The following FMNL2 variants were observed in gnomAD, a reference collection of about 807,000 sequenced individuals.
FMNL2 encodes the protein formin-like protein 2.
In FMNL2, 51 loss-of-function variants were observed where a neutral mutation model predicts 130.2. The ratio of observed to expected loss-of-function variants is 0.39; its 90% CI spans 0.31 to 0.49. The LOEUF is 0.49. Among genes scored for constraint, FMNL2 ranks in the 20% least tolerant of loss-of-function variants. The pLI is 0.85. For missense variants in FMNL2, 977 were observed against 1,316.2 expected, an observed-to-expected ratio of 0.74 and a Z score of 3.99; for synonymous variants, 465 against 467.1, an observed-to-expected ratio of 1.00 and a Z score of 0.06.
At chr2:152,495,404 C>T (rs748111847) in intron 1 of FMNL2, among the ~76,000 whole-genome samples, 1 of 151,924 alleles carries the variant, frequency 6.6e-6, no homozygotes, top group Non-Finnish European at 1.5e-5. Context: ...AATCCCAGCA[C>T]TTTGGGAGGT....
intron 1 of FMNL2, among the ~76,000 whole-genome samples, chr2:152,379,289 T>C (rs2105890825): frequency 6.6e-6 from 1 of 152,330 alleles, no homozygotes; most frequent in Non-Finnish European, 1.5e-5. Context: ...TCTGTGTTGG[T>C]TTATTGGCCA....
chr2:152,488,358 A>C (rs2105269527), intron 1 of FMNL2, among the ~76,000 whole-genome samples: 1 of 152,352 alleles, frequency 6.6e-6, no homozygotes, highest in East Asian at 1.9e-4. Flanking sequence ...GTCCGCAAAT[A>C]AGCTTTTTAG....
chr2:152,347,855 T>C (rs780155396), intron 1 of FMNL2, among the ~76,000 whole-genome samples: 11 of 152,204 alleles, frequency 7.2e-5, no homozygotes, highest in Non-Finnish European at 1.5e-4. Context: ...CTCACAGCCT[T>C]CTTCCTGAAG....
chr2:152,377,155 A>G (rs778323991), intron 1 of FMNL2, among the ~76,000 whole-genome samples: 1 of 152,260 alleles, frequency 6.6e-6, no homozygotes, highest in Non-Finnish European at 1.5e-5. Flanking sequence ...ACAGTGGCTG[A>G]CATACTGTAG....
chr2:152,585,066 G>C (rs1383542473), intron 9 of FMNL2, among the ~76,000 whole-genome samples: 2 of 152,180 alleles, frequency 1.3e-5, no homozygotes, highest in Admixed American at 6.5e-5. Flanking sequence ...AGCTTATACT[G>C]TGCGTGGTTT....
intron 1 of FMNL2, among the ~76,000 whole-genome samples, chr2:152,472,132 A>G (rs1689893715): frequency 6.6e-6 from 1 of 152,214 alleles, no homozygotes. Context: ...TTCGATTAAT[A>G]TAGTCTTTCT....
intron 1 of FMNL2, among the ~76,000 whole-genome samples, chr2:152,501,428 A>C (rs1387633813): frequency 1.3e-5 from 2 of 152,252 alleles, no homozygotes; most frequent in Non-Finnish European, 2.9e-5. Flanking sequence ...ATAATTCTTT[A>C]TGAGCTGATA....
intron 6 of FMNL2, among the ~76,000 whole-genome samples, chr2:152,565,084 A>G (rs529475611): frequency 1.3e-5 from 2 of 152,324 alleles, no homozygotes; most frequent in Middle Eastern, 3.4e-3. Flanking sequence ...AAATTTAACA[A>G]TGCCATATAG....
intron 9 of FMNL2, among the ~76,000 whole-genome samples, chr2:152,590,980 CTTTTTTTTTTTTTTTTTTTTTTT>C (rs1158391663): frequency 6.4e-4 from 42 of 65,788 alleles, no homozygotes; most frequent in East Asian, 2.5e-3. Context: ...CCTCTGATAA[CTTTTTTTTTTTTTTTTTTTTTTT>C]TTTTTTTTTT....
intron 1 of FMNL2, among the ~76,000 whole-genome samples, chr2:152,359,213 A>G (rs944431132): frequency 1.3e-5 from 2 of 152,366 alleles, no homozygotes; most frequent in East Asian, 1.9e-4. Flanking sequence ...AGCTTAATAT[A>G]ATAGCAGCTA....
chr2:152,556,905 C>A, intron 4 of FMNL2, among the ~76,000 whole-genome samples: 1 of 145,854 alleles, frequency 6.9e-6, no homozygotes, highest in African/African-American at 2.5e-5. Context: ...GATTATTTTT[C>A]ATATTAAAAA....
intron 5 of FMNL2, 102 bp from the exon 6 acceptor site, chr2:152,560,781 C>T: frequency 9.5e-7 from 1 of 1,057,748 alleles, no homozygotes; most frequent in Non-Finnish European, 1.3e-6. Context: ...ACTTTCCATA[C>T]TAAGGTGCAG....
At chr2:152,494,792 T>TTA (rs1691409007) in intron 1 of FMNL2, among the ~76,000 whole-genome samples, 1 of 152,176 alleles carries the variant, frequency 6.6e-6, no homozygotes, top group Admixed American at 6.5e-5. Context: ...AAGCCCTGGG[T>TTA]TATCAGCCTG....
At chr2:152,601,666 T>TC (rs1698071609) in intron 9 of FMNL2, among the ~76,000 whole-genome samples, 1 of 77,102 alleles carries the variant, frequency 1.3e-5, no homozygotes, top group South Asian at 3.7e-4. Context: ...TCTTTTCTTT[T>TC]CTTTCTTTTT....
intron 9 of FMNL2, among the ~76,000 whole-genome samples, chr2:152,605,415 C>T (rs66706786): frequency 0.063 from 9,527 of 152,076 alleles, 536 homozygotes; most frequent in African/African-American, 0.15. Flanking sequence ...ACCTCATGGA[C>T]TCAAAGTATC....
At chr2:152,611,307 C>T (rs1461589523) in intron 10 of FMNL2, among the ~76,000 whole-genome samples, 188 bp from the exon 11 acceptor site, 3 of 152,144 alleles carry the variant, frequency 2.0e-5, no homozygotes, top group Non-Finnish European at 2.9e-5. Context: ...CCACTGCACT[C>T]CAGTCTGGGC....
chr2:152,489,075 T>C (rs1157293168), intron 1 of FMNL2, among the ~76,000 whole-genome samples: 12 of 152,042 alleles, frequency 7.9e-5, no homozygotes, highest in Non-Finnish European at 1.5e-4. Context: ...TCCAGCAGGG[T>C]AGAGTGCAAA....
intron 9 of FMNL2, among the ~76,000 whole-genome samples, chr2:152,607,010 T>TC (rs1268114619): frequency 7.7e-6 from 1 of 130,152 alleles, no homozygotes; most frequent in Admixed American, 8.3e-5. Context: ...TTTTTTGTTT[T>TC]TTTTTTTTTT....
intron 1 of FMNL2, among the ~76,000 whole-genome samples, chr2:152,350,834 C>T (rs1682436694): frequency 6.6e-6 from 1 of 152,192 alleles, no homozygotes. Context: ...CACTTGAGGT[C>T]AGGACTTCGA....
Sources: gnomAD v4.1 joint callset for allele counts (sites outside exome capture counted in the v4.1 genomes callset) on GRCh38, gnomAD v4.1.1 for gene constraint, MANE v1.5 for transcripts, NCBI Gene and HGNC (gene_info 2026-07-23, HGNC 2026-07-21) for gene names.